Variants in MCCC1 observed in about 807,000 individuals in gnomAD.
The protein encoded by MCCC1 is methylcrotonyl-CoA carboxylase subunit 1.
A neutral mutation model predicts 83.8 loss-of-function variants in MCCC1; 64 were observed. The observed-to-expected ratio is 0.76, with a 90% confidence interval of 0.62 to 0.94. The LOEUF is 0.94. Ranked by LOEUF, MCCC1 falls within the 40% of genes least tolerant of loss-of-function variation. The pLI is 0.00. For synonymous variants in MCCC1, 322 were observed against 315.4 expected, an observed-to-expected ratio of 1.02 and a Z score of -0.22; for missense variants, 807 against 904.7, an observed-to-expected ratio of 0.89 and a Z score of 1.39.
chr3:183,020,388 T>C (rs908537800), intron 16 of MCCC1, 151 bp from the exon 17 acceptor site: 2 of 690,828 alleles, frequency 2.9e-6, no homozygotes, highest in Admixed American at 2.1e-5. Context: ...ACCCAGCACT[T>C]TGGGAGGCTG....
Position 183,037,365 on chromosome 3 carries a change from T to C in MCCC1, c.1447A>G (p.Asn483Asp). Residue 483 changes from asparagine (N) to aspartate (D), a missense_variant, in exon 13 of 19, where the codon AAC (asparagine) becomes GAC (aspartate). Asn to Asp is a conservative substitution (Grantham distance 23). Coordinates refer to ENST00000265594, the MANE Select transcript of MCCC1 (RefSeq NM_020166.5). ...LSGHPEFEAG[N>D]VHTDFIPQHH... ...TGAGGGATGAAATCAGTGTGCACGTTCCCAGCTTCAAACTCTGGGTGGCCA... is the reference window on the plus strand; with the variant it reads ...TGAGGGATGAAATCAGTGTGCACGTCCCCAGCTTCAAACTCTGGGTGGCCA... The C allele has an allele frequency of 1.2e-6, 2 of 1,614,126 alleles. No homozygotes were observed. Among genetic ancestry groups the C allele is most frequent in the Non-Finnish European group, 1.7e-6 (2 of 1,180,030 alleles).
intron 1 of MCCC1, among the ~76,000 whole-genome samples, chr3:183,096,391 C>T (rs1460545506): frequency 2.0e-5 from 3 of 151,842 alleles, no homozygotes; most frequent in African/African-American, 7.3e-5. Context: ...AAACAAATTA[C>T]AGAAGCAATT....
chr3:183,096,437 T>C (rs975744001), intron 1 of MCCC1, among the ~76,000 whole-genome samples: 4 of 152,132 alleles, frequency 2.6e-5, no homozygotes, highest in Non-Finnish European at 5.9e-5. Context: ...GAAGATGTGG[T>C]TATAAAGGAC....
At chr3:183,096,343 A>AAATAAATAAAT (rs1560285302) in intron 1 of MCCC1, among the ~76,000 whole-genome samples, 4 of 151,866 alleles carry the variant, frequency 2.6e-5, no homozygotes, top group South Asian at 2.1e-4. Flanking sequence ...CTCAAAAAAA[A>AAATAAATAAAT]AAATAAATAA....
chr3:183,073,487 C>T (rs1170264621), intron 4 of MCCC1, among the ~76,000 whole-genome samples: 1 of 152,204 alleles, frequency 6.6e-6, no homozygotes, highest in Admixed American at 6.5e-5. Context: ...ACAGGAGTGT[C>T]CCCTTATCCA....
At chr3:183,101,678 C>T (rs1277285838), upstream of MCCC1, among the ~76,000 whole-genome samples, 1 of 152,172 alleles carries the variant, frequency 6.6e-6, no homozygotes, top group Admixed American at 6.5e-5. Context: ...AGCAGGCTGC[C>T]CAAACCAGCA....
chr3:183,043,479 G>T (rs1370978962), intron 10 of MCCC1, among the ~76,000 whole-genome samples: 1 of 152,240 alleles, frequency 6.6e-6, no homozygotes. Flanking sequence ...CCTGAACACT[G>T]TTAACTATCT....
intron 8 of MCCC1, among the ~76,000 whole-genome samples, chr3:183,052,966 T>C (rs1715106558): frequency 6.6e-6 from 1 of 151,730 alleles, no homozygotes; most frequent in African/African-American, 2.4e-5. Flanking sequence ...AAAAGTTAAC[T>C]GTAAAACAGC....
At chr3:183,049,037 A>G (rs1714758916) in intron 9 of MCCC1, among the ~76,000 whole-genome samples, 1 of 152,226 alleles carries the variant, frequency 6.6e-6, no homozygotes, top group African/African-American at 2.4e-5. Context: ...AAAATTTAAA[A>G]TATTCTCAAC....
intron 7 of MCCC1, among the ~76,000 whole-genome samples, chr3:183,069,751 A>G (rs1716517453): frequency 6.6e-6 from 1 of 152,198 alleles, no homozygotes; most frequent in Non-Finnish European, 1.5e-5. Flanking sequence ...TCACACACAT[A>G]TATATATAAA....
At chr3:183,045,607 G>C (rs940633705) in intron 9 of MCCC1, 67 bp from the exon 10 acceptor site, 3 of 1,544,514 alleles carry the variant, frequency 1.9e-6, no homozygotes, top group Admixed American at 1.7e-5. Flanking sequence ...AATCTTCCAT[G>C]ATGCATCACA....
At chr3:183,092,813 C>T (rs1301386827) in intron 2 of MCCC1, among the ~76,000 whole-genome samples, 1 of 152,132 alleles carries the variant, frequency 6.6e-6, no homozygotes, top group Admixed American at 6.5e-5. Context: ...TTAAAAGATG[C>T]TTTGTTATGC....
At chr3:183,101,111 G>A (rs1020884593), upstream of MCCC1, among the ~76,000 whole-genome samples, 1 of 152,250 alleles carries the variant, frequency 6.6e-6, no homozygotes, top group African/African-American at 2.4e-5. Context: ...TCGATTTCTC[G>A]CCGGGCCTTG....
chr3:183,109,272 G>A (rs902035445), intron 1 of MCCC1, among the ~76,000 whole-genome samples: 7 of 152,102 alleles, frequency 4.6e-5, no homozygotes, highest in East Asian at 1.9e-4. Flanking sequence ...GATTACAGGC[G>A]TGAGCCACCG....
chr3:183,060,525 T>G (rs1193697645), intron 7 of MCCC1, among the ~76,000 whole-genome samples: 3 of 152,190 alleles, frequency 2.0e-5, no homozygotes, highest in African/African-American at 7.2e-5. Flanking sequence ...ACGACTGAAA[T>G]CCTTTTCATT....
intron 7 of MCCC1, among the ~76,000 whole-genome samples, chr3:183,062,780 T>G (rs1254243829): frequency 1.3e-5 from 2 of 152,214 alleles, no homozygotes; most frequent in East Asian, 3.8e-4. Context: ...CTTTTTCTGA[T>G]TGACCCTTTT....
chr3:183,051,091 A>C (rs55838335), intron 9 of MCCC1, among the ~76,000 whole-genome samples: 5,162 of 152,282 alleles, frequency 0.034, 235 homozygotes, highest in African/African-American at 0.098. Flanking sequence ...TAGTACTGTC[A>C]CTTTAGAATA....
intron 10 of MCCC1, among the ~76,000 whole-genome samples, chr3:183,043,215 G>A (rs1199240257): frequency 2.6e-5 from 4 of 152,232 alleles, no homozygotes; most frequent in South Asian, 2.1e-4. Context: ...GCTTGAAGCC[G>A]GGAGGTAGAG....
chr3:183,034,931 C>T (rs1713440798), intron 13 of MCCC1, among the ~76,000 whole-genome samples: 1 of 152,126 alleles, frequency 6.6e-6, no homozygotes, highest in African/African-American at 2.4e-5. Context: ...GTGGGTGCCA[C>T]CACAGCTGGC....
Sources: gnomAD v4.1 joint callset for allele counts (sites outside exome capture counted in the v4.1 genomes callset) on GRCh38, gnomAD v4.1.1 for gene constraint, MANE v1.5 for transcripts, NCBI Gene and HGNC (gene_info 2026-07-23, HGNC 2026-07-21) for gene names.